Variants in TENM1 observed in about 807,000 individuals in gnomAD.
TENM1 encodes teneurin transmembrane protein 1.
TENM1 carries 35 observed loss-of-function variants against 174.8 expected under a neutral mutation model. That is an observed-to-expected ratio of 0.20 (90% CI 0.15 to 0.27). The LOEUF is 0.27. TENM1 is among the 10% of genes least tolerant of loss of function. The pLI, the probability that TENM1 is intolerant of heterozygous loss-of-function variation, is 1.00. For synonymous variants in TENM1, 781 were observed against 798.7 expected (o/e 0.98, Z 0.37); for missense variants, 1,633 against 2,130.1 (o/e 0.77, Z 4.59).
chrX:124,804,822 G>A (rs1271023702), intron 3 of TENM1, among the ~76,000 whole-genome samples: 2 of 111,951 alleles, frequency 1.8e-5, no homozygotes, highest in Non-Finnish European at 3.8e-5. Context: ...GTTATTGAGT[G>A]CTTGGTATCC....
intron 18 of TENM1, among the ~76,000 whole-genome samples, chrX:124,504,010 C>A (rs892788524): frequency 9.0e-6 from 1 of 111,455 alleles, no homozygotes; most frequent in African/African-American, 3.3e-5. Context: ...GGAGGCTGTG[C>A]TGTAAAACTG....
At chrX:124,628,218 C>A (rs1056662877) in intron 11 of TENM1, among the ~76,000 whole-genome samples, 1 of 111,052 alleles carries the variant, frequency 9.0e-6, no homozygotes, top group Non-Finnish European at 1.9e-5. Flanking sequence ...TCAATAATTT[C>A]ATACTGCAAG....
the TENM1 span, among the ~76,000 whole-genome samples, chrX:125,156,734 C>T: frequency 8.9e-6 from 1 of 111,781 alleles, no homozygotes; most frequent in Non-Finnish European, 1.9e-5. Context: ...ATGCATGTGT[C>T]CTTATGGTAG....
chrX:124,993,289 A>T, the TENM1 span, among the ~76,000 whole-genome samples: 41 of 111,342 alleles, frequency 3.7e-4, no homozygotes, highest in Non-Finnish European at 1.3e-4. Flanking sequence ...AGTATTTTAT[A>T]AGAATGAATT....
chrX:124,875,602 G>A (rs1450492478), intron 3 of TENM1, among the ~76,000 whole-genome samples: 1 of 110,399 alleles, frequency 9.1e-6, no homozygotes, highest in Non-Finnish European at 1.9e-5. Context: ...AGAGCCAGGT[G>A]TGGTGGCTCA....
At chrX:125,082,217 C>A in the TENM1 span, among the ~76,000 whole-genome samples, 1 of 110,689 alleles carries the variant, frequency 9.0e-6, no homozygotes, top group Non-Finnish European at 1.9e-5. Flanking sequence ...ACCACCTACC[C>A]TTGTCCACAC....
intron 22 of TENM1, among the ~76,000 whole-genome samples, chrX:124,457,426 A>C (rs1326369302): frequency 8.9e-6 from 1 of 112,052 alleles, no homozygotes; most frequent in East Asian, 2.8e-4. Context: ...AGTAGGGGAT[A>C]TTATATAATA....
chrX:124,410,842 C>T (rs1420160137), intron 25 of TENM1, among the ~76,000 whole-genome samples: 1 of 112,224 alleles, frequency 8.9e-6, no homozygotes, highest in East Asian at 2.8e-4. Flanking sequence ...TATCATTCCT[C>T]CAGGAAAGCT....
chrX:124,406,586 T>C, intron 25 of TENM1, 97 bp from the exon 29 acceptor site: 1 of 519,288 alleles, frequency 1.9e-6, no homozygotes, highest in Non-Finnish European at 3.1e-6. Context: ...CAGTTTAACT[T>C]TGAGTGATAA....
chrX:124,930,988 C>G (rs183731268), intron 1 of TENM1, among the ~76,000 whole-genome samples: 1 of 111,180 alleles, frequency 9.0e-6, no homozygotes, highest in African/African-American at 3.3e-5. Flanking sequence ...TGAATAGACA[C>G]GAGGGAAGAT....
At chrX:125,200,132 T>C in the TENM1 span, among the ~76,000 whole-genome samples, 1 of 111,796 alleles carries the variant, frequency 8.9e-6, no homozygotes, top group Non-Finnish European at 1.9e-5. Flanking sequence ...TTATATTTGA[T>C]ATTTACTTTC....
the TENM1 span, among the ~76,000 whole-genome samples, chrX:125,197,882 A>C: frequency 8.9e-6 from 1 of 112,028 alleles, no homozygotes; most frequent in African/African-American, 3.2e-5. Context: ...TTCATTATCA[A>C]AGATCTTCTC....
intron 4 of TENM1, among the ~76,000 whole-genome samples, chrX:124,729,821 G>T: frequency 8.9e-6 from 1 of 112,077 alleles, no homozygotes; most frequent in Non-Finnish European, 1.9e-5. Context: ...AAGGGGGATG[G>T]TTCTGATGAT....
the TENM1 span, among the ~76,000 whole-genome samples, chrX:125,044,196 T>TA: frequency 1.3e-5 from 1 of 78,340 alleles, no homozygotes; most frequent in African/African-American, 5.6e-5. Context: ...AAAAAAAGAT[T>TA]AAAAATAAAA....
At chrX:124,970,957 T>TA in the TENM1 span, among the ~76,000 whole-genome samples, 1 of 109,055 alleles carries the variant, frequency 9.2e-6, no homozygotes, top group Non-Finnish European at 1.9e-5. Context: ...TATGCAGCCA[T>TA]AAAAAAGGAT....
chrX:124,514,676 C>A (rs2047658444), intron 18 of TENM1, among the ~76,000 whole-genome samples: 1 of 110,875 alleles, frequency 9.0e-6, no homozygotes, highest in African/African-American at 3.3e-5. Flanking sequence ...GAAACGGAAT[C>A]AGTAATAAAT....
At chrX:125,046,743 T>A in the TENM1 span, among the ~76,000 whole-genome samples, 1 of 110,944 alleles carries the variant, frequency 9.0e-6, no homozygotes, top group African/African-American at 3.3e-5. Flanking sequence ...TGCCCCCAAA[T>A]GAACTAACTT....
the TENM1 span, among the ~76,000 whole-genome samples, chrX:125,061,305 G>A: frequency 9.0e-6 from 1 of 111,113 alleles, no homozygotes; most frequent in Non-Finnish European, 1.9e-5. Context: ...TAATGCCCAC[G>A]GTTCTTTTGA....
At chrX:125,092,570 T>C in the TENM1 span, among the ~76,000 whole-genome samples, 3 of 111,673 alleles carry the variant, frequency 2.7e-5, no homozygotes, top group East Asian at 8.4e-4. Flanking sequence ...ATGTAGATGA[T>C]AGAAAAAACA....
Sources: allele counts gnomAD v4.1 joint callset (sites outside exome capture counted in the v4.1 genomes callset), GRCh38; gene constraint gnomAD v4.1.1; transcripts MANE v1.5; gene names NCBI Gene and HGNC (gene_info 2026-07-23, HGNC 2026-07-21).